NLRP7: variants seen among roughly 807,000 people sequenced by gnomAD.
The protein encoded by NLRP7 is NACHT, LRR and PYD domains-containing protein 7.
NLRP7 carries 72 observed loss-of-function variants against 85.5 expected under a neutral mutation model. The observed-to-expected ratio is 0.84, with a 90% CI of 0.70 to 1.02. NLRP7 has a LOEUF of 1.02. NLRP7 is among the 50% of genes least tolerant of loss of function. NLRP7 has a pLI of 0.00. For missense variants in NLRP7, 1,243 were observed against 1,219.5 expected, an observed-to-expected ratio of 1.02 and a Z score of -0.29; for synonymous variants, 550 against 505.2, an observed-to-expected ratio of 1.09 and a Z score of -1.19.
chr19:54,952,138 A>C (rs141095309), upstream of NLRP7, among the ~76,000 whole-genome samples: 40 of 152,264 alleles, frequency 2.6e-4, no homozygotes, highest in East Asian at 7.5e-3. Flanking sequence ...GGATGGTTTC[A>C]GATGTTTTTC....
exon 5 of NLRP7, chr19:54,938,059 T>C (rs1368706050): frequency 6.2e-7 from 1 of 1,613,540 alleles, no homozygotes; most frequent in South Asian, 1.1e-5. Flanking sequence ...TTTCTGCAGA[T>C]GACAGGTGCT....
At position 54,923,703 on chromosome 19, in the gene NLRP7, C is replaced by T. The variant is rs755426959; in HGVS notation, c.*37G>A. 2.7e-5 allele frequency: 43 copies of T among 1,611,320 alleles called. No homozygotes were observed. The South Asian group carries it at 2.7e-4, about 10-fold the overall frequency. ...TAAGACATCTTAGAGACCCGAATCC[C>T]GCTTCCTGTGTAATTCGTAGAGCGA... On this transcript the variant is annotated 3_prime_UTR_variant, in exon 10 of 10. Transcript: ENST00000340844.
chr19:54,962,424 C>T (rs1431227788), intron 1 of NLRP7, among the ~76,000 whole-genome samples: 5 of 150,958 alleles, frequency 3.3e-5, no homozygotes, highest in African/African-American at 4.9e-5. Flanking sequence ...TCTGCCACTA[C>T]GCCTGGCTAA....
chr19:54,942,884 G>A lies in NLRP7; in HGVS notation c.-39-1134C>T, dbSNP rs576179719. ...TGTACTGGCCGGGTATGGTGGCTCA[G>A]GCCTGGAATCCCAGCACTTTGGGAG... On this transcript the variant is annotated intron_variant, in intron 1 of 9. Coordinates refer to ENST00000340844, the Ensembl canonical transcript of NLRP7. 5.8e-4 allele frequency among the ~76,000 whole-genome samples: 87 copies of A among 150,650 alleles called. 3 individuals carry two copies. In the South Asian group the frequency reaches 0.017, roughly 29 times the overall value.
chr19:54,961,700 C>A (rs1260533016), intron 1 of NLRP7, among the ~76,000 whole-genome samples: 3 of 148,712 alleles, frequency 2.0e-5, no homozygotes, highest in Non-Finnish European at 4.5e-5. Context: ...GTGGCAGGTG[C>A]CTGTAGGAGG....
At chr19:54,930,039 C>A (rs1458502891) in intron 9 of NLRP7, among the ~76,000 whole-genome samples, 1 of 146,600 alleles carries the variant, frequency 6.8e-6, no homozygotes, top group Non-Finnish European at 1.5e-5. Flanking sequence ...AGCGAGAACC[C>A]GGGAGGAAGA....
At chr19:54,923,967 C>T (rs1165894221) in intron 9 of NLRP7, 95 bp from the exon 11 acceptor site, 6 of 1,406,314 alleles carry the variant, frequency 4.3e-6, no homozygotes, top group Admixed American at 1.7e-5. Context: ...AAGCAGGAAA[C>T]GTTTTTGGGA....
At chr19:54,932,749 A>G (rs60006091) in intron 8 of NLRP7, among the ~76,000 whole-genome samples, 45,936 of 151,594 alleles carry the variant, frequency 0.3, 7,258 homozygotes, top group East Asian at 0.41. Flanking sequence ...TCTGCCTCCC[A>G]GATTCAAGCG....
At chr19:54,953,900 G>A (rs1456869731) in intron 1 of NLRP7, among the ~76,000 whole-genome samples, 2 of 151,790 alleles carry the variant, frequency 1.3e-5, no homozygotes, top group African/African-American at 2.4e-5. Context: ...CCAGCTACTC[G>A]GGAGGCTGAG....
exon 4 of NLRP7, chr19:54,938,918 A>G: frequency 6.2e-7 from 1 of 1,614,206 alleles, no homozygotes; most frequent in Non-Finnish European, 8.5e-7. Context: ...TTCAAAATCC[A>G]TGTAATTCTC....
At chr19:54,927,716 C>T (rs2068505751) in intron 9 of NLRP7, 10 of 1,614,012 alleles carry the variant, frequency 6.2e-6, no homozygotes, top group Non-Finnish European at 8.5e-6. Context: ...CTTCTGATTG[C>T]TGAGGAGAGC....
At chr19:54,938,748 TAATTGCC>T in intron 4 of NLRP7, 133 bp downstream of exon 4, 4 of 953,204 alleles carry the variant, frequency 4.2e-6, no homozygotes, top group Non-Finnish European at 6.6e-6. Context: ...CCCCAATTCC[TAATTGCC>T]AAGTCGTGTC....
chr19:54,929,795 G>T (rs895451696), intron 9 of NLRP7, among the ~76,000 whole-genome samples: 1 of 152,074 alleles, frequency 6.6e-6, no homozygotes, highest in African/African-American at 2.4e-5. Flanking sequence ...AACTGGATCC[G>T]AAGTGATACA....
intron 1 of NLRP7, among the ~76,000 whole-genome samples, chr19:54,942,005 G>A (rs1428612011): frequency 6.6e-6 from 1 of 152,030 alleles, no homozygotes; most frequent in Non-Finnish European, 1.5e-5. Flanking sequence ...TGTAATCCCA[G>A]CACTTTGGGA....
At chr19:54,951,270 G>A (rs1309210806), upstream of NLRP7, among the ~76,000 whole-genome samples, 1 of 152,130 alleles carries the variant, frequency 6.6e-6, no homozygotes, top group Non-Finnish European at 1.5e-5. Context: ...TTGTAGACCA[G>A]GCACAGTGGC....
intron 9 of NLRP7, among the ~76,000 whole-genome samples, chr19:54,926,038 C>T (rs555445855): frequency 6.0e-5 from 9 of 149,834 alleles, no homozygotes; most frequent in East Asian, 2.0e-4. Context: ...AGACAGACTC[C>T]GTCTCAAAAA....
chr19:54,931,894 A>G (rs2068696889), intron 8 of NLRP7, among the ~76,000 whole-genome samples: 1 of 151,236 alleles, frequency 6.6e-6, no homozygotes, highest in Non-Finnish European at 1.5e-5. Context: ...ATCCATTTCC[A>G]GCTCTGCCTG....
At chr19:54,927,829 A>C (rs269934) in intron 9 of NLRP7, 54 bp from the exon 10 acceptor site, 848,112 of 1,529,172 alleles carry the variant, frequency 0.55, 236,802 homozygotes, top group East Asian at 0.72. Context: ...TAGTGGCTCA[A>C]GCGTGTAATC....
chr19:54,953,377 A>C (rs532187385), intron 1 of NLRP7: 1 of 152,390 alleles, frequency 6.6e-6, no homozygotes, highest in South Asian at 2.1e-4. Context: ...GGGGTACGTG[A>C]CTGGGGGCTG....
Sources: allele counts gnomAD v4.1 joint callset (sites outside exome capture counted in the v4.1 genomes callset), GRCh38; gene constraint gnomAD v4.1.1; transcripts MANE v1.5; gene names NCBI Gene and HGNC (gene_info 2026-07-23, HGNC 2026-07-21).